The following LRRTM4 variants were observed in gnomAD, a reference collection of about 807,000 sequenced individuals.
LRRTM4 encodes leucine-rich repeat transmembrane neuronal protein 4.
A neutral mutation model predicts 47.6 loss-of-function variants in LRRTM4; 25 were observed. The observed-to-expected ratio is 0.53, with a 90% CI of 0.38 to 0.73. LRRTM4 has a LOEUF of 0.73. LRRTM4 is among the 30% of genes least tolerant of loss of function. The pLI, the probability that LRRTM4 is intolerant of heterozygous loss-of-function variation, is 0.00. For synonymous variants in LRRTM4, 311 were observed against 269.5 expected (o/e 1.15, Z -1.51); for missense variants, 638 against 713.4 (o/e 0.89, Z 1.20).
chr2:76,758,130 G>C (rs987988169), intron 3 of LRRTM4, among the ~76,000 whole-genome samples: 6 of 152,058 alleles, frequency 3.9e-5, no homozygotes, highest in African/African-American at 1.2e-4. Context: ...TTTTACTTAA[G>C]AACATGCATC....
chr2:77,123,243 GA>G (rs1671566287), intron 3 of LRRTM4, among the ~76,000 whole-genome samples: 1 of 151,214 alleles, frequency 6.6e-6, no homozygotes, highest in Non-Finnish European at 1.5e-5. Context: ...GAGAGAGAGA[GA>G]AATTTAATTC....
intron 3 of LRRTM4, among the ~76,000 whole-genome samples, chr2:76,788,051 T>C (rs1465282805): frequency 6.6e-6 from 1 of 152,188 alleles, no homozygotes; most frequent in Non-Finnish European, 1.5e-5. Context: ...AAAAGATGAA[T>C]GAATGTTACT....
At chr2:77,073,324 C>A (rs897395086) in intron 3 of LRRTM4, among the ~76,000 whole-genome samples, 1 of 151,792 alleles carries the variant, frequency 6.6e-6, no homozygotes. Flanking sequence ...GTAAAATAGG[C>A]CAGAAATTAA....
intron 3 of LRRTM4, among the ~76,000 whole-genome samples, chr2:77,078,694 A>T (rs999738830): frequency 3.3e-5 from 5 of 152,160 alleles, no homozygotes; most frequent in African/African-American, 1.2e-4. Context: ...ACAGTGACAA[A>T]CCTTGTCCAG....
intron 3 of LRRTM4, among the ~76,000 whole-genome samples, chr2:77,456,790 T>C (rs945408211): frequency 1.1e-4 from 17 of 151,914 alleles, no homozygotes; most frequent in Non-Finnish European, 2.4e-4. Context: ...ATTCTTAACA[T>C]TTATCAGTTA....
intron 3 of LRRTM4, among the ~76,000 whole-genome samples, chr2:77,026,371 A>C (rs1678454026): frequency 6.6e-6 from 1 of 152,140 alleles, no homozygotes; most frequent in East Asian, 1.9e-4. Context: ...CTTGGAAGGT[A>C]GAGCTCAGAA....
At chr2:77,087,034 C>G (rs954257867) in intron 3 of LRRTM4, among the ~76,000 whole-genome samples, 4 of 151,660 alleles carry the variant, frequency 2.6e-5, no homozygotes, top group African/African-American at 7.3e-5. Flanking sequence ...ATCAGAAACA[C>G]AAAAGAAGAT....
At position 77,030,055 on chromosome 2, in the gene LRRTM4, T is replaced by G. The variant is rs539251451; in HGVS notation, c.1552-281139A>C. Among the ~76,000 whole-genome samples the G allele has an allele frequency of 1.8e-4, 28 of 152,358 alleles. No homozygotes were observed. The South Asian group carries it at 1.9e-3, about 10-fold the overall frequency. On this transcript the variant is annotated intron_variant, in intron 3 of 3. Transcript: ENST00000409884. ...TTAAACTTCTTTTAAAAATTTTGTCTCATTAAAAAATTTCATGTGAAACAA... is the reference window on the plus strand; with the variant it reads ...TTAAACTTCTTTTAAAAATTTTGTCGCATTAAAAAATTTCATGTGAAACAA...
At chr2:77,245,692 A>C (rs1353613774) in intron 3 of LRRTM4, among the ~76,000 whole-genome samples, 1 of 152,040 alleles carries the variant, frequency 6.6e-6, no homozygotes, top group Admixed American at 6.6e-5. Flanking sequence ...AGAGCAAACT[A>C]GCTCTCAATC....
chr2:77,364,803 T>A (rs1203820056), intron 3 of LRRTM4, among the ~76,000 whole-genome samples: 2 of 152,210 alleles, frequency 1.3e-5, no homozygotes, highest in East Asian at 3.9e-4. Context: ...ACCCTCTCTA[T>A]TATTTTTGTT....
Position 77,431,292 on chromosome 2 carries a change from T to C in LRRTM4, c.1551+87026A>G, listed in dbSNP as rs565861304. 5.8e-4 allele frequency among the ~76,000 whole-genome samples: 86 copies of C among 148,966 alleles called. 6 individuals carry two copies. Among genetic ancestry groups the C allele is most frequent in the African/African-American group, 2.1e-3 (80 of 38,410 alleles). Reference sequence around the variant, plus strand: ...TTTTTTTGCTCAGAGTTCTGGAAGCTGGAAAGTACAAATTCAAGAAAGGGT... The same window carrying C: ...TTTTTTTGCTCAGAGTTCTGGAAGCCGGAAAGTACAAATTCAAGAAAGGGT... On this transcript the variant is annotated intron_variant, in intron 3 of 3. Transcript: ENST00000409884.
chr2:76,938,047 T>G (rs1314451525), intron 3 of LRRTM4, among the ~76,000 whole-genome samples: 1 of 152,164 alleles, frequency 6.6e-6, no homozygotes, highest in African/African-American at 2.4e-5. Context: ...CCCCAGTATT[T>G]TAAGAATTAT....
chr2:77,007,797 G>A (rs888351257), intron 3 of LRRTM4, among the ~76,000 whole-genome samples: 3 of 152,084 alleles, frequency 2.0e-5, no homozygotes, highest in African/African-American at 7.2e-5. Context: ...ATAGAAAATT[G>A]GCTCTTTTCC....
At chr2:76,828,022 C>T (rs908066685) in intron 3 of LRRTM4, among the ~76,000 whole-genome samples, 2 of 151,874 alleles carry the variant, frequency 1.3e-5, no homozygotes, top group African/African-American at 4.8e-5. Flanking sequence ...AGATGTATTG[C>T]CTATGTTGAA....
chr2:77,142,443 AC>A (rs1276817616), intron 3 of LRRTM4, among the ~76,000 whole-genome samples: 58 of 151,882 alleles, frequency 3.8e-4, no homozygotes, highest in African/African-American at 1.3e-3. Context: ...ACACACACAC[AC>A]ACACACACAC....
chr2:77,221,034 G>T (rs10177951), intron 3 of LRRTM4, among the ~76,000 whole-genome samples: 29,885 of 152,146 alleles, frequency 0.2, 5,649 homozygotes, highest in African/African-American at 0.49. Flanking sequence ...AGCCAGAAGA[G>T]AGTGGGGGCC....
At chr2:76,833,582 A>ATG (rs1553416751) in intron 3 of LRRTM4, among the ~76,000 whole-genome samples, 1 of 151,100 alleles carries the variant, frequency 6.6e-6, no homozygotes, top group Non-Finnish European at 1.5e-5. Flanking sequence ...TTATATTCAT[A>ATG]ATATATTACC....
intron 3 of LRRTM4, among the ~76,000 whole-genome samples, chr2:76,934,111 C>CGG (rs1435288709): frequency 2.0e-5 from 3 of 152,070 alleles, no homozygotes; most frequent in African/African-American, 7.2e-5. Context: ...AAATAAAGAA[C>CGG]CTTACTCTGC....
chr2:77,034,890 C>T (rs1001458090), intron 3 of LRRTM4, among the ~76,000 whole-genome samples: 4 of 151,818 alleles, frequency 2.6e-5, no homozygotes, highest in African/African-American at 9.7e-5. Context: ...TTTCATTTAT[C>T]TACCATTAGT....
Sources: gnomAD v4.1 joint callset for allele counts (sites outside exome capture counted in the v4.1 genomes callset) on GRCh38, gnomAD v4.1.1 for gene constraint, MANE v1.5 for transcripts, NCBI Gene and HGNC (gene_info 2026-07-23, HGNC 2026-07-21) for gene names.